The following WNK2 variants were observed in gnomAD, a reference collection of about 807,000 sequenced individuals.
WNK2 encodes WNK lysine deficient protein kinase 2, also known as serine/threonine-protein kinase WNK2.
In WNK2, 67 loss-of-function variants were observed where a neutral mutation model predicts 192.1. That is an observed-to-expected ratio of 0.35 (90% CI 0.29 to 0.43). The LOEUF is 0.43. Among genes scored for constraint, WNK2 ranks in the 20% least tolerant of loss-of-function variants. The pLI is 1.00. For synonymous variants in WNK2, 1,439 were observed against 1,393.9 expected (o/e 1.03, Z -0.72); for missense variants, 2,698 against 3,089.7 (o/e 0.87, Z 3.01).
At chr9:93,230,858 T>C (rs1472475261) in intron 3 of WNK2, 30 bp from the exon 4 acceptor site, 1 of 1,599,010 alleles carries the variant, frequency 6.3e-7, no homozygotes, top group African/African-American at 1.3e-5. Flanking sequence ...GGCGAGCTGC[T>C]TGGTGAGCTG....
intron 2 of WNK2, among the ~76,000 whole-genome samples, chr9:93,213,011 G>A (rs951092217): frequency 2.0e-5 from 3 of 152,132 alleles, no homozygotes; most frequent in African/African-American, 7.2e-5. Flanking sequence ...TCTAGTCTCA[G>A]TCAAGGAGGA....
Position 93,268,042 on chromosome 9 carries a change from A to C in WNK2, c.3890A>C (p.Asn1297Thr). 2 of 1,612,160 alleles carry C rather than the reference A, an allele frequency of 1.2e-6. No homozygotes were observed. The highest frequency in any genetic ancestry group is 1.7e-6 in the Non-Finnish European group (2 of 1,179,214). ...CAGGAGAGCCGACAATCCCAAGCCA[A>C]CGCCCCCGTGTATCAGCAGAACGGT... The part of the protein sequence containing the change: ...TGEESRQSQA[N>T]APVYQQNVLH... Residue 1297 changes from asparagine (N) to threonine (T), a missense_variant, in exon 18 of 30, where the codon AAC becomes ACC. This residue lies in a region of WNK2 where 1,098 missense variants were observed against 1,101.0 expected (regional missense o/e 1.00). Transcript: ENST00000427277.
At chr9:93,252,348 C>G (rs1159259494) in intron 8 of WNK2, among the ~76,000 whole-genome samples, 4 of 152,258 alleles carry the variant, frequency 2.6e-5, no homozygotes, top group African/African-American at 9.6e-5. Flanking sequence ...ATCCACCACA[C>G]AGGGGAATAG....
intron 2 of WNK2, among the ~76,000 whole-genome samples, chr9:93,206,128 G>A (rs114960450): frequency 0.027 from 4,091 of 152,268 alleles, 165 homozygotes; most frequent in African/African-American, 0.089. Context: ...GGGCATGCGG[G>A]GTACAGGGCA....
At chr9:93,276,199 C>A (rs1183624830) in intron 19 of WNK2, among the ~76,000 whole-genome samples, 2 of 152,168 alleles carry the variant, frequency 1.3e-5, no homozygotes, top group Non-Finnish European at 2.9e-5. Flanking sequence ...ATTAAGCTTA[C>A]TATAAAGTTA....
chr9:93,195,699 CAAAAAAA>C lies in WNK2; in HGVS notation c.681+10108_681+10114del, dbSNP rs59357990. 4.9e-3 allele frequency among the ~76,000 whole-genome samples: 204 copies of C among 41,664 alleles called. 1 individual carries two copies. Among genetic ancestry groups the C allele is most frequent in the Middle Eastern group, 0.017 (1 of 58 alleles). The allele number at this position is 41,664 out of a possible 152,430, so 27.3% of individuals were successfully genotyped here. On this transcript the variant is annotated intron_variant, in intron 2 of 29. Transcript: ENST00000427277. ...GGGCAACAGAGTAAAGACTTTGTCT[CAAAAAAA>C]AAAAAAAAAAAAAAAAAAGATGTTG...
intron 16 of WNK2, among the ~76,000 whole-genome samples, chr9:93,266,446 TGAAAA>T (rs1304370487): frequency 2.6e-5 from 4 of 152,238 alleles, no homozygotes; most frequent in African/African-American, 4.8e-5. Flanking sequence ...TCAACATACT[TGAAAA>T]GAAACATAAT....
intron 8 of WNK2, among the ~76,000 whole-genome samples, chr9:93,249,557 T>C (rs1457010780): frequency 6.6e-6 from 1 of 152,164 alleles, no homozygotes; most frequent in African/African-American, 2.4e-5. Context: ...CACTGCAAGC[T>C]CCGCCTACCA....
In WNK2 at chr9:93,289,391, A is replaced by G; in HGVS notation, c.4637A>G (p.Asp1546Gly). 1 of 1,612,692 alleles carries G rather than the reference A, an allele frequency of 6.2e-7. No homozygotes were observed. Among genetic ancestry groups the G allele is most frequent in the Non-Finnish European group, 8.5e-7 (1 of 1,179,708 alleles). The change falls in exon 20 of 30, where the codon GAC becomes GGC. Residue 1546 changes from aspartate to glycine, a missense_variant. By Grantham distance (94) the Asp-to-Gly change is moderately conservative (BLOSUM62 -1). Coordinates refer to ENST00000427277, the MANE Select transcript of WNK2 (RefSeq NM_006648.4). ...EGPPPRVGFV[D>G]STIKSLDEKL... ...CCGCCCCCCAGGGTGGGCTTTGTGG[A>G]CAGCACCATCAAGAGCCTGGACGAG...
At chr9:93,191,098 A>G (rs1360745710) in intron 2 of WNK2, among the ~76,000 whole-genome samples, 1 of 152,028 alleles carries the variant, frequency 6.6e-6, no homozygotes, top group Admixed American at 6.6e-5. Flanking sequence ...CGACTGTGTC[A>G]GGCTCTGGGA....
intron 28 of WNK2, 32 bp downstream of exon 28, chr9:93,308,616 T>C: frequency 4.6e-6 from 7 of 1,509,218 alleles, no homozygotes; most frequent in Non-Finnish European, 6.3e-6. Context: ...CGGGTGCTCC[T>C]GGGGTGGGGT....
Position 93,267,854 on chromosome 9 carries a change from C to T in WNK2, c.3805C>T (p.Arg1269Cys), listed in dbSNP as rs763903293. The T allele has an allele frequency of 1.6e-5, 26 of 1,611,274 alleles. No homozygotes were observed. Among genetic ancestry groups the T allele is most frequent in the East Asian group, 1.1e-4 (5 of 44,750 alleles). The change falls in exon 17 of 30, where the codon CGT becomes TGT. Residue 1269 changes from arginine to cysteine, a missense_variant. This residue lies in a region of WNK2 where 1,098 missense variants were observed against 1,101.0 expected (regional missense o/e 1.00). Transcript: ENST00000427277. ...GCTCAGCGAGGACACAGACGCCGACCGTGGCTCCGACCCAGGGACCAGCCC... is the reference window on the plus strand; with the variant it reads ...GCTCAGCGAGGACACAGACGCCGACTGTGGCTCCGACCCAGGGACCAGCCC... Reference protein sequence around the residue: ...DMLSEDTDADRGSDPGTSPPH... With the variant: ...DMLSEDTDADCGSDPGTSPPH...
chr9:93,282,476 CAG>C (rs947783974), intron 19 of WNK2, among the ~76,000 whole-genome samples: 1 of 140,534 alleles, frequency 7.1e-6, no homozygotes, highest in Non-Finnish European at 1.6e-5. Context: ...AAAAAAAAAA[CAG>C]AACAAAGACA....
At chr9:93,296,663 C>T in intron 23 of WNK2, among the ~76,000 whole-genome samples, 1 of 84,952 alleles carries the variant, frequency 1.2e-5, no homozygotes, top group Non-Finnish European at 2.5e-5. Flanking sequence ...TTCTCCCCTG[C>T]CCATCCTCCC....
In WNK2 at chr9:93,269,610, T is replaced by C. The variant is rs189484603; in HGVS notation, c.4033+864T>C. 3.9e-5 allele frequency among the ~76,000 whole-genome samples: 6 copies of C among 152,366 alleles called. No homozygotes were observed. In the East Asian group the frequency reaches 1.2e-3, roughly 29 times the overall value. ...CAGCCTTGCCTACAAGATTGAATTT[T>C]TAAATAAGTATATGTTCGTATATTA... On this transcript the variant is annotated intron_variant, in intron 19 of 29. Coordinates refer to ENST00000427277, the MANE Select transcript of WNK2 (RefSeq NM_006648.4).
At chr9:93,190,617 G>C (rs1324646449) in intron 2 of WNK2, among the ~76,000 whole-genome samples, 4 of 152,246 alleles carry the variant, frequency 2.6e-5, no homozygotes, top group South Asian at 4.1e-4. Context: ...GGTCTGCCAG[G>C]GCAGCTGGAC....
rs1358008736 is a variant in WNK2 at position 93,247,741 on chromosome 9, G to C, written c.1741G>C (p.Ala581Pro). The C allele has an allele frequency of 6.4e-7, 1 of 1,555,282 alleles. No homozygotes were observed. Among genetic ancestry groups the C allele is most frequent in the Non-Finnish European group, 8.7e-7 (1 of 1,150,690 alleles). ...LQVQVTYHAQ[A>P]GQPGPPEPEE... ...GGTCCAGGTGACCTACCATGCACAG[G>C]CTGGGCAGCCCGGGCCACCAGAGCC... The change falls in exon 8 of 30, where the codon GCT becomes CCT. Residue 581 changes from alanine to proline, a missense_variant. Around this residue, in one of 7 missense-constraint regions of WNK2, gnomAD observed 893 missense variants for 909.0 expected, o/e 0.98. Transcript: ENST00000427277. The surrounding 1 kb of genome is among the most constrained non-coding windows in gnomAD (Gnocchi z 5.2).
At chr9:93,274,110 G>C (rs532820097) in intron 19 of WNK2, among the ~76,000 whole-genome samples, 3 of 152,164 alleles carry the variant, frequency 2.0e-5, no homozygotes, top group Admixed American at 1.3e-4. Flanking sequence ...AGAAAGCTGT[G>C]ATATCTAAAA....
intron 19 of WNK2, among the ~76,000 whole-genome samples, chr9:93,272,563 A>G (rs1243678417): frequency 6.6e-6 from 1 of 152,058 alleles, no homozygotes; most frequent in Non-Finnish European, 1.5e-5. Flanking sequence ...ACATGGAGAA[A>G]CCTCGTCTCT....
Sources: allele counts gnomAD v4.1 joint callset (sites outside exome capture counted in the v4.1 genomes callset), GRCh38; gene constraint gnomAD v4.1.1; regional missense constraint gnomAD v4.1.1; non-coding constraint Gnocchi (gnomAD v3.1); transcripts MANE v1.5; gene names NCBI Gene and HGNC (gene_info 2026-07-23, HGNC 2026-07-21).